The following PLPP1 variants were observed in gnomAD, a reference collection of about 807,000 sequenced individuals.
PLPP1 encodes the protein lipid phosphate phosphohydrolase 1a.
PLPP1 carries 24 observed loss-of-function variants against 31.2 expected under a neutral mutation model. The observed-to-expected ratio is 0.77, with a 90% confidence interval of 0.56 to 1.08. PLPP1 has a LOEUF of 1.08. Ranked by LOEUF, PLPP1 falls within the 50% of genes least tolerant of loss-of-function variation. The pLI, the probability that PLPP1 is intolerant of heterozygous loss-of-function variation, is 0.00. For missense variants in PLPP1, 319 were observed against 342.7 expected (o/e 0.93, Z 0.55); for synonymous variants, 146 against 126.3 (o/e 1.16, Z -1.05).
At chr5:55,480,143 T>C (rs907318105) in intron 1 of PLPP1, among the ~76,000 whole-genome samples, 6 of 152,176 alleles carry the variant, frequency 3.9e-5, no homozygotes, top group African/African-American at 1.4e-4. Context: ...TCTTCGTTTA[T>C]CAAATCAAGT....
intron 3 of PLPP1, among the ~76,000 whole-genome samples, chr5:55,461,857 T>C (rs773556117): frequency 6.6e-6 from 1 of 151,870 alleles, no homozygotes; most frequent in Non-Finnish European, 1.5e-5. Context: ...AACTAATAAA[T>C]TAAATTAGCA....
Position 55,425,177 on chromosome 5 carries a change from C to A in PLPP1, c.*29G>T. 6.3e-7 allele frequency: 1 copy of A among 1,596,622 alleles called. No individual in the cohort carries two copies. Among genetic ancestry groups the A allele is most frequent in the South Asian group, 1.1e-5 (1 of 88,504 alleles). ...CAATCATTTTCCTTTAGAAAACAGG[C>A]CAGCTTCACCTGGGCACCCTGCTGC... On this transcript the variant is annotated 3_prime_UTR_variant, in exon 6 of 6. Transcript: ENST00000307259.
chr5:55,495,061 G>A (rs977040492), intron 1 of PLPP1, among the ~76,000 whole-genome samples: 2 of 151,296 alleles, frequency 1.3e-5, no homozygotes, highest in Non-Finnish European at 2.9e-5. Flanking sequence ...AACCCGGGAG[G>A]CAGAGGTTGT....
intron 1 of PLPP1, among the ~76,000 whole-genome samples, chr5:55,478,562 T>G (rs185801703): frequency 6.6e-6 from 1 of 152,076 alleles, no homozygotes; most frequent in African/African-American, 2.4e-5. Flanking sequence ...GTCTCTAAAG[T>G]CACAGAGGTA....
chr5:55,482,834 G>A (rs1017068646), intron 1 of PLPP1, among the ~76,000 whole-genome samples: 2 of 151,996 alleles, frequency 1.3e-5, no homozygotes, highest in African/African-American at 4.8e-5. Context: ...CTCAAGACTA[G>A]CAATTTCTTA....
chr5:55,532,210 C>T (rs1740693071), intron 1 of PLPP1, among the ~76,000 whole-genome samples: 1 of 152,010 alleles, frequency 6.6e-6, no homozygotes, highest in African/African-American at 2.4e-5. Flanking sequence ...CATGTCAGTT[C>T]CTCCATTATA....
chr5:55,502,441 C>T (rs1370827567), intron 1 of PLPP1, among the ~76,000 whole-genome samples: 7 of 151,204 alleles, frequency 4.6e-5, no homozygotes, highest in Admixed American at 1.3e-4. Flanking sequence ...GAGCCGAGAT[C>T]GTGCCACTGC....
At chr5:55,504,093 G>A (rs1001605969) in intron 1 of PLPP1, among the ~76,000 whole-genome samples, 19 of 152,018 alleles carry the variant, frequency 1.2e-4, no homozygotes, top group African/African-American at 3.1e-4. Context: ...AAATTAGGCC[G>A]GGTGTGGTGG....
chr5:55,514,025 A>T (rs1300180422), intron 1 of PLPP1, among the ~76,000 whole-genome samples: 2 of 152,206 alleles, frequency 1.3e-5, no homozygotes, highest in African/African-American at 4.8e-5. Flanking sequence ...GTATACAATT[A>T]GTTATCTCAG....
At chr5:55,479,155 G>C (rs1221231155) in intron 1 of PLPP1, among the ~76,000 whole-genome samples, 2 of 151,874 alleles carry the variant, frequency 1.3e-5, no homozygotes, top group African/African-American at 4.8e-5. Context: ...CTCCAGAGTA[G>C]CTGAGATTAC....
At chr5:55,512,725 C>CACACACACACATACACACACACACACAT (rs58233830) in intron 1 of PLPP1, among the ~76,000 whole-genome samples, 1 of 150,712 alleles carries the variant, frequency 6.6e-6, no homozygotes, top group East Asian at 1.9e-4. Context: ...TTATAAACTA[C>CACACACACACATACACACACACACACAT]ACACACACAC....
rs748461972 is a variant in PLPP1, at chr5:55,454,245, AAGTT to A, written c.492-12341_492-12338del. 3.2e-4 allele frequency among the ~76,000 whole-genome samples: 49 copies of A among 152,224 alleles called. 2 individuals are homozygous for A. In the South Asian group the frequency reaches 8.7e-3, roughly 27 times the overall value. On this transcript the variant is annotated intron_variant, in intron 3 of 5. Coordinates refer to ENST00000307259, the MANE Select transcript of PLPP1 (RefSeq NM_003711.4). ...ATTGATTAACATAATATAAACATAAAAGTTAGCCAATCCTATATCTCCCTCCTAT... is the reference window on the plus strand; with the variant it reads ...ATTGATTAACATAATATAAACATAAAAGCCAATCCTATATCTCCCTCCTAT...
At chr5:55,530,655 C>A in intron 1 of PLPP1, 2 of 1,597,960 alleles carry the variant, frequency 1.3e-6, no homozygotes, top group South Asian at 2.2e-5. Flanking sequence ...AGAAAACTTC[C>A]TCATTATATT....
intron 1 of PLPP1, among the ~76,000 whole-genome samples, chr5:55,477,341 C>G (rs963633434): frequency 6.6e-6 from 1 of 151,920 alleles, no homozygotes; most frequent in African/African-American, 2.4e-5. Context: ...ATACTCTAAC[C>G]CAATGAGCAA....
chr5:55,532,964 A>T (rs2111968285), intron 1 of PLPP1, among the ~76,000 whole-genome samples: 1 of 151,910 alleles, frequency 6.6e-6, no homozygotes, highest in South Asian at 2.1e-4. Flanking sequence ...CAAAAAAAAA[A>T]AAAAAAAGAC....
intron 2 of PLPP1, among the ~76,000 whole-genome samples, chr5:55,469,952 G>T (rs1181406595): frequency 1.3e-5 from 2 of 152,196 alleles, no homozygotes; most frequent in African/African-American, 4.8e-5. Context: ...GAAAGGTGCT[G>T]CCTTGGGTAA....
At chr5:55,493,353 T>C (rs527409196) in intron 1 of PLPP1, among the ~76,000 whole-genome samples, 5 of 151,624 alleles carry the variant, frequency 3.3e-5, no homozygotes, top group Non-Finnish European at 5.9e-5. Flanking sequence ...TGAAAGTTAA[T>C]GGAACAGTGT....
In PLPP1 at chr5:55,512,960, T is replaced by C. The variant is rs186559262; in HGVS notation, c.58+21612A>G. 4.3e-4 allele frequency among the ~76,000 whole-genome samples: 66 copies of C among 152,354 alleles called. 1 individual carries two copies. In the East Asian group the frequency reaches 0.012, roughly 27 times the overall value. On this transcript the variant is annotated intron_variant, in intron 1 of 5. Transcript: ENST00000307259. ...AAGGAGAAGGTTCCCCTTTGAAGTA[T>C]AGTTTCTACAGAGTTTATTAAGTCT... is the stretch of plus-strand genomic sequence containing the variant.
At chr5:55,512,485 AAAG>A (rs1487358210) in intron 1 of PLPP1, among the ~76,000 whole-genome samples, 8 of 10,008 alleles carry the variant, frequency 8.0e-4, no homozygotes, top group African/African-American at 1.3e-3. Flanking sequence ...AAAAAAAAAG[AAAG>A]AAAGAAAGAA....
Sources: gnomAD v4.1 joint callset for allele counts (sites outside exome capture counted in the v4.1 genomes callset) on GRCh38, gnomAD v4.1.1 for gene constraint, MANE v1.5 for transcripts, NCBI Gene and HGNC (gene_info 2026-07-23, HGNC 2026-07-21) for gene names.